RSPO2: variants seen among roughly 807,000 people sequenced by gnomAD.
RSPO2 encodes the protein R-spondin 2, also known as R-spondin-2.
A neutral mutation model predicts 30.9 loss-of-function variants in RSPO2; 14 were observed. The ratio of observed to expected loss-of-function variants is 0.45; its 90% CI spans 0.30 to 0.71. The LOEUF is 0.71. Among genes scored for constraint, RSPO2 ranks in the 30% least tolerant of loss-of-function variants. The pLI, the probability that RSPO2 is intolerant of heterozygous loss-of-function variation, is 0.08. For missense variants in RSPO2, 264 were observed against 301.9 expected, an observed-to-expected ratio of 0.87 and a Z score of 0.93; for synonymous variants, 107 against 96.4, an observed-to-expected ratio of 1.11 and a Z score of -0.64.
chr8:107,996,905 T>C, intron 2 of RSPO2: 2 of 455,382 alleles, frequency 4.4e-6, no homozygotes, highest in Non-Finnish European at 8.8e-6. Context: ...AATTAGGGAA[T>C]ACTTACCCAA....
At chr8:107,933,700 G>A (rs1812623028) in intron 5 of RSPO2, among the ~76,000 whole-genome samples, 1 of 152,162 alleles carries the variant, frequency 6.6e-6, no homozygotes, top group Admixed American at 6.5e-5. Context: ...AGAAAGCTTA[G>A]AACTCAAGAA....
intron 5 of RSPO2, among the ~76,000 whole-genome samples, chr8:107,918,541 A>G (rs1038087077): frequency 2.6e-5 from 4 of 152,134 alleles, no homozygotes; most frequent in African/African-American, 4.8e-5. Flanking sequence ...ACTAAAGAAT[A>G]TCACTTTCTA....
intron 3 of RSPO2, chr8:107,983,339 G>A: frequency 1.2e-6 from 2 of 1,609,910 alleles, no homozygotes. Context: ...CAAGAGAGAT[G>A]GAAAAGGGCC....
At chr8:108,059,493 C>T (rs1380220348) in intron 2 of RSPO2, among the ~76,000 whole-genome samples, 1 of 151,456 alleles carries the variant, frequency 6.6e-6, no homozygotes, top group African/African-American at 2.5e-5. Context: ...CCAGCCATCC[C>T]ATTACTGGGT....
intron 2 of RSPO2, among the ~76,000 whole-genome samples, chr8:108,007,280 G>A (rs925908628): frequency 2.0e-5 from 3 of 152,028 alleles, no homozygotes; most frequent in African/African-American, 7.3e-5. Context: ...AATGATTGCG[G>A]CCACACAGAT....
chr8:108,049,385 ATCT>A (rs1243590798), intron 2 of RSPO2, among the ~76,000 whole-genome samples: 1 of 151,724 alleles, frequency 6.6e-6, no homozygotes, highest in African/African-American at 2.4e-5. Flanking sequence ...GAATACATGC[ATCT>A]TTTTTAAAAA....
chr8:108,081,516 C>T (rs1000312664), intron 2 of RSPO2, among the ~76,000 whole-genome samples: 4 of 152,200 alleles, frequency 2.6e-5, no homozygotes, highest in Non-Finnish European at 5.9e-5. Flanking sequence ...GGCTGCTGCG[C>T]GCCCTTCCTG....
chr8:108,077,919 A>G (rs1410132212), intron 2 of RSPO2, among the ~76,000 whole-genome samples: 1 of 152,158 alleles, frequency 6.6e-6, no homozygotes, highest in East Asian at 1.9e-4. Context: ...CTTATATCAA[A>G]TAAAATCTGT....
At chr8:108,075,788 A>C (rs1224114324) in intron 2 of RSPO2, among the ~76,000 whole-genome samples, 1 of 152,152 alleles carries the variant, frequency 6.6e-6, no homozygotes, top group East Asian at 1.9e-4. Flanking sequence ...CAATTTTTAA[A>C]AAAACAGCAT....
At chr8:108,041,741 G>T (rs1282201480) in intron 2 of RSPO2, among the ~76,000 whole-genome samples, 2 of 152,004 alleles carry the variant, frequency 1.3e-5, no homozygotes, top group African/African-American at 4.8e-5. Context: ...TCACTATTGG[G>T]GAAATGCAAT....
intron 2 of RSPO2, among the ~76,000 whole-genome samples, chr8:108,032,137 T>C (rs552478597): frequency 6.6e-6 from 1 of 152,336 alleles, no homozygotes; most frequent in Non-Finnish European, 1.5e-5. Context: ...ACACTTGTTC[T>C]ACTATAAAGT....
Position 108,016,702 on chromosome 8 carries a change from T to C in RSPO2, c.95-27458A>G, listed in dbSNP as rs552682242. On this transcript the variant is annotated intron_variant, in intron 2 of 5. Coordinates refer to ENST00000276659, the MANE Select transcript of RSPO2 (RefSeq NM_178565.5). ...CCAAATCTCACATTTAAATGTGTTG[T>C]TGGAGGTGGGGCCTAGTGGGCGGTA... Among the ~76,000 whole-genome samples, 19 of 152,280 alleles carry C rather than the reference T, an allele frequency of 1.2e-4. No homozygotes were observed. The South Asian group carries it at 3.7e-3, about 30-fold the overall frequency.
intron 2 of RSPO2, among the ~76,000 whole-genome samples, chr8:108,057,106 TA>T (rs1358723829): frequency 9.9e-6 from 1 of 100,826 alleles, no homozygotes; most frequent in Non-Finnish European, 2.1e-5. Flanking sequence ...GTATAAAATA[TA>T]AGGTTATTGA....
chr8:108,032,818 G>A (rs944401177), intron 2 of RSPO2, among the ~76,000 whole-genome samples: 1 of 151,626 alleles, frequency 6.6e-6, no homozygotes, highest in African/African-American at 2.4e-5. Flanking sequence ...TTTTTACTTT[G>A]GGAGGCCGAG....
intron 3 of RSPO2, among the ~76,000 whole-genome samples, chr8:107,966,454 G>A (rs529907574): frequency 4.4e-4 from 67 of 152,308 alleles, no homozygotes; most frequent in African/African-American, 1.6e-3. Flanking sequence ...GACACAGCGA[G>A]CTGGAGAGTG....
intron 2 of RSPO2, among the ~76,000 whole-genome samples, chr8:108,053,416 G>A (rs1007756494): frequency 2.0e-5 from 3 of 152,120 alleles, no homozygotes; most frequent in Non-Finnish European, 4.4e-5. Context: ...GTCAAACAAT[G>A]CCCTCTCCTT....
At chr8:108,038,412 T>C (rs116408305) in intron 2 of RSPO2, among the ~76,000 whole-genome samples, 1,841 of 152,296 alleles carry the variant, frequency 0.012, 38 homozygotes, top group African/African-American at 0.041. Flanking sequence ...GAGAATGCTA[T>C]AAACATCACG....
At chr8:107,962,393 A>G (rs1813656844) in intron 3 of RSPO2, among the ~76,000 whole-genome samples, 1 of 152,200 alleles carries the variant, frequency 6.6e-6, no homozygotes. Flanking sequence ...GCTTCTTTGT[A>G]TTAAATGACC....
intron 2 of RSPO2, among the ~76,000 whole-genome samples, chr8:107,991,621 TG>T (rs544066475): frequency 3.2e-4 from 48 of 152,112 alleles, no homozygotes; most frequent in Admixed American, 8.5e-4. Context: ...ACCTACAGAA[TG>T]GGAGAAAATA....
Sources: gnomAD v4.1 joint callset for allele counts (sites outside exome capture counted in the v4.1 genomes callset) on GRCh38, gnomAD v4.1.1 for gene constraint, MANE v1.5 for transcripts, NCBI Gene and HGNC (gene_info 2026-07-23, HGNC 2026-07-21) for gene names.